The following SENP5 variants were observed in gnomAD, a reference collection of about 807,000 sequenced individuals.
SENP5 encodes sentrin-specific protease 5.
In SENP5, 21 loss-of-function variants were observed where a neutral mutation model predicts 74.2. That is an observed-to-expected ratio of 0.28 (90% CI 0.20 to 0.41). The LOEUF is 0.41. SENP5 is among the 10% of genes least tolerant of loss of function. SENP5 has a pLI of 1.00. For synonymous variants in SENP5, 311 were observed against 312.7 expected, an observed-to-expected ratio of 0.99 and a Z score of 0.06; for missense variants, 717 against 889.1, an observed-to-expected ratio of 0.81 and a Z score of 2.46.
At chr3:196,895,478 G>T (rs533935080) in intron 2 of SENP5, among the ~76,000 whole-genome samples, 2 of 150,570 alleles carry the variant, frequency 1.3e-5, no homozygotes, top group Non-Finnish European at 3.0e-5. Context: ...AAGCCACCGC[G>T]CCCGGCCTTA....
chr3:196,888,305 AG>A (rs1714059674), intron 2 of SENP5, among the ~76,000 whole-genome samples: 1 of 151,818 alleles, frequency 6.6e-6, no homozygotes, highest in Admixed American at 6.6e-5. Flanking sequence ...AAAACAGGCC[AG>A]GTGCTGTGGC....
rs1200307574 is a variant in SENP5 at position 196,874,148 on chromosome 3, T to TA, written c.-32+6088dup. ...CTGACAGAATGAGACCTTTTTTTTT[T>TA]AAAAAAAAAAAAAGATAAAGGACAA... On this transcript the variant is annotated intron_variant, in intron 1 of 9. Coordinates refer to ENST00000323460, the MANE Select transcript of SENP5 (RefSeq NM_152699.5). 5.5e-3 allele frequency among the ~76,000 whole-genome samples: 754 copies of TA among 136,522 alleles called. 2 individuals are homozygous for TA. The highest frequency in any genetic ancestry group is 0.017 in the African/African-American group (626 of 36,212). 89.6% of individuals were successfully genotyped at this position (136,522 alleles called of 152,430 possible).
rs533268219 is a variant in SENP5 at position 196,879,137 on chromosome 3, C to T, written c.-31-6014C>T. On this transcript the variant is annotated intron_variant, in intron 1 of 9. Transcript: ENST00000323460. ...TTGCATGATACTTAGTATCCTTGGA[C>T]CCCAGCGGTAAATGTCAATACCAAC... 2.2e-4 allele frequency among the ~76,000 whole-genome samples: 34 copies of T among 152,224 alleles called. No individual in the cohort carries two copies. The South Asian group carries it at 4.4e-3, about 20-fold the overall frequency.
chr3:196,905,320 A>C (rs1714857778), intron 6 of SENP5: 1 of 152,250 alleles, frequency 6.6e-6, no homozygotes, highest in African/African-American at 2.4e-5. Flanking sequence ...GCAAGCAAGC[A>C]GTTCTGCAGC....
intron 6 of SENP5, among the ~76,000 whole-genome samples, chr3:196,919,605 C>T (rs1473823876): frequency 6.6e-6 from 1 of 152,100 alleles, no homozygotes; most frequent in Non-Finnish European, 1.5e-5. Context: ...ACCAGCCTGA[C>T]CAACATGGAG....
chr3:196,923,672 C>T lies in SENP5; in HGVS notation c.2022+121C>T, dbSNP rs114215182. 89 of 639,532 alleles carry T rather than the reference C, an allele frequency of 1.4e-4. No homozygotes were observed. In the African/African-American group the frequency reaches 1.4e-3, roughly 10 times the overall value. 39.6% of individuals were successfully genotyped at this position (639,532 alleles called of 1,614,324 possible). On this transcript the variant is annotated intron_variant, in intron 7 of 9. Transcript: ENST00000323460. The stretch of plus-strand genomic sequence containing the variant: ...GAACAGTTTATGTCATGAAAATCCT[C>T]CAAAGTGTTAGCTGAGAAAAGGACT...
At chr3:196,875,722 TTTTTA>T (rs1479561042) in intron 1 of SENP5, among the ~76,000 whole-genome samples, 3 of 152,156 alleles carry the variant, frequency 2.0e-5, no homozygotes, top group South Asian at 2.1e-4. Context: ...CTTTTTTTAA[TTTTTA>T]TTTTATTTTT....
Position 196,885,277 on chromosome 3 carries a change from T to C in SENP5, c.96T>C (p.Tyr32=), listed in dbSNP as rs1713906055. Residue 32 remains tyrosine, a synonymous_variant, in exon 2 of 10, where the codon TAT becomes TAC. Coordinates refer to ENST00000323460, the MANE Select transcript of SENP5 (RefSeq NM_152699.5). ...NTGFGGFKKF[Y]FHQHLCILKA... ...GGTTTGGAGGCTTTAAGAAGTTTTA[T>C]TTTCACCAACACTTGTGCATTCTGA... 6.2e-7 allele frequency: 1 copy of C among 1,614,048 alleles called. No individual in the cohort carries two copies.
At chr3:196,905,537 G>C (rs539719152) in intron 6 of SENP5, among the ~76,000 whole-genome samples, 56 of 152,270 alleles carry the variant, frequency 3.7e-4, no homozygotes, top group Non-Finnish European at 3.5e-4. Context: ...TAATTTGCCG[G>C]AGCGGTTCAC....
intron 6 of SENP5, among the ~76,000 whole-genome samples, chr3:196,918,897 T>G (rs951638104): frequency 2.6e-5 from 4 of 152,198 alleles, no homozygotes; most frequent in African/African-American, 9.6e-5. Context: ...AAATAGGTAT[T>G]AAGATAAAAA....
Position 196,931,237 on chromosome 3 carries a change from G to A in SENP5, c.*314G>A, listed in dbSNP as rs1310168481. ...TAAAAAAAAAAGCTTAGTAGATTTG[G>A]TGCAGCTTTTGAAACTTAGTTAGAC... is the stretch of plus-strand genomic sequence containing the variant. On this transcript the variant is annotated 3_prime_UTR_variant, in exon 10 of 10. Coordinates refer to ENST00000323460, the MANE Select transcript of SENP5 (RefSeq NM_152699.5). 5 of 210,352 alleles carry A rather than the reference G, an allele frequency of 2.4e-5. No homozygotes were observed. Among genetic ancestry groups the A allele is most frequent in the Non-Finnish European group, 3.8e-5 (4 of 105,006 alleles). The allele number at this position is 210,352 out of a possible 1,614,324, so 13.0% of individuals were successfully genotyped here.
rs1560165563 is a variant in SENP5, at chr3:196,933,012, G to GTTTTTTTTT, written c.*2089_*2090insTTTTTTTTT. 1.4e-5 allele frequency: 1 copy of GTTTTTTTTT among 71,612 alleles called. No homozygotes were observed. Among genetic ancestry groups the GTTTTTTTTT allele is most frequent in the African/African-American group, 5.8e-5 (1 of 17,192 alleles). 4.4% of individuals were successfully genotyped at this position (71,612 alleles called of 1,614,324 possible). On this transcript the variant is annotated 3_prime_UTR_variant, in exon 10 of 10. Coordinates refer to ENST00000323460, the MANE Select transcript of SENP5 (RefSeq NM_152699.5). Reference sequence around the variant, plus strand: ...TGGCTTAGACTAAATGTTGAGTTTGGGTTTTTTGTTTTTTTTTTTTTTTGA... The same window carrying GTTTTTTTTT: ...TGGCTTAGACTAAATGTTGAGTTTGGTTTTTTTTTGTTTTTTGTTTTTTTTTTTTTTTGA...
intron 1 of SENP5, among the ~76,000 whole-genome samples, chr3:196,868,291 C>T (rs1343687916): frequency 1.3e-5 from 2 of 152,374 alleles, no homozygotes; most frequent in East Asian, 3.9e-4. Context: ...GCCCTGCGCT[C>T]TCGCTCCAGC....
chr3:196,893,356 A>G (rs938396787), intron 2 of SENP5, among the ~76,000 whole-genome samples: 1 of 152,174 alleles, frequency 6.6e-6, no homozygotes, highest in African/African-American at 2.4e-5. Flanking sequence ...TCTTGTGTGC[A>G]TGTGTGTGTG....
rs566080601 is a variant in SENP5 at position 196,885,406 on chromosome 3, C to T, written c.225C>T (p.Pro75=). The part of the protein sequence containing the change: ...QIQKTWIKDE[P]LCAKTKFNVA... The stretch of plus-strand genomic sequence containing the variant: ...AGAAAACGTGGATCAAGGATGAACC[C>T]CTTTGTGCTAAGACCAAGTTCAATG... The change falls in exon 2 of 10, where the codon CCC becomes CCT. Residue 75 remains proline, a synonymous_variant. Coordinates refer to ENST00000323460, the MANE Select transcript of SENP5 (RefSeq NM_152699.5). The T allele has an allele frequency of 1.7e-5, 28 of 1,614,058 alleles. No individual in the cohort carries two copies. In the East Asian group the frequency reaches 6.0e-4, roughly 35 times the overall value.
intron 1 of SENP5, among the ~76,000 whole-genome samples, chr3:196,874,671 A>G (rs1420557164): frequency 6.6e-6 from 1 of 152,122 alleles, no homozygotes; most frequent in African/African-American, 2.4e-5. Flanking sequence ...ACCTGAGGTC[A>G]GAGGTCGAGA....
chr3:196,925,142 T>TA (rs1715764374), intron 7 of SENP5, among the ~76,000 whole-genome samples: 2 of 149,714 alleles, frequency 1.3e-5, no homozygotes, highest in South Asian at 4.2e-4. Context: ...GACTAATAGT[T>TA]AAAGAGGATT....
In SENP5 at chr3:196,886,121, G is replaced by A; in HGVS notation, c.940G>A (p.Ala314Thr). The A allele has an allele frequency of 3.7e-6, 6 of 1,614,220 alleles. No homozygotes were observed. Among genetic ancestry groups the A allele is most frequent in the Non-Finnish European group, 5.1e-6 (6 of 1,180,044 alleles). Residue 314 changes from alanine (A) to threonine (T), a missense_variant, in exon 2 of 10, where the codon GCT (alanine) becomes ACT (threonine). Physicochemically the swap from Ala to Thr is moderately conservative, Grantham distance 58. Around this residue, in one of 4 missense-constraint regions of SENP5, gnomAD observed 567 missense variants for 577.4 expected, o/e 0.98. Coordinates refer to ENST00000323460, the MANE Select transcript of SENP5 (RefSeq NM_152699.5). ...QPYFPDMDSSAVVKGTNSHVP... is the reference protein window; with the variant it reads ...QPYFPDMDSSTVVKGTNSHVP... ...GTACTTTCCAGATATGGACAGCAGT[G>A]CTGTGGTGAAGGGGACGAACTCTCA...
intron 6 of SENP5, chr3:196,914,586 A>AAAAAAAAAAATATATATATATATAT: frequency 3.6e-4 from 12 of 33,482 alleles, no homozygotes; most frequent in Non-Finnish European, 5.1e-4. Context: ...AAAAAAAAAA[A>AAAAAAAAAAATATATATATATATAT]ATATATATAT....
Sources: gnomAD v4.1 joint callset for allele counts (sites outside exome capture counted in the v4.1 genomes callset) on GRCh38, gnomAD v4.1.1 for gene constraint, gnomAD v4.1.1 regional missense constraint, MANE v1.5 for transcripts, NCBI Gene and HGNC (gene_info 2026-07-23, HGNC 2026-07-21) for gene names.